The following XPR1 variants were observed in gnomAD, a reference collection of about 807,000 sequenced individuals.
XPR1 encodes solute carrier family 53 member 1.
In XPR1, 28 loss-of-function variants were observed where a neutral mutation model predicts 87.5. The observed-to-expected ratio is 0.32, with a 90% CI of 0.24 to 0.44. The LOEUF (loss-of-function observed/expected upper bound fraction) is 0.44, where lower values mean the gene tolerates loss of function less well. XPR1 is among the 20% of genes least tolerant of loss of function. XPR1 has a pLI of 1.00. For missense variants in XPR1, 559 were observed against 862.3 expected (o/e 0.65, Z 4.41); for synonymous variants, 300 against 306.1 (o/e 0.98, Z 0.21).
At position 180,662,843 on chromosome 1, in the gene XPR1, CTG is replaced by C. The variant is rs1655824744; in HGVS notation, c.70-19511_70-19510del. On this transcript the variant is annotated intron_variant, in intron 1 of 14. Coordinates refer to ENST00000367590, the MANE Select transcript of XPR1 (RefSeq NM_004736.4). ...TTCCTTTTTCTTTCATCTCTTCTGA[CTG>C]TGTGTTTACAAATAGCCTGTCTTTA... Among the ~76,000 whole-genome samples the C allele has an allele frequency of 2.6e-5, 4 of 152,104 alleles. No individual in the cohort carries two copies. In the South Asian group the frequency reaches 8.3e-4, roughly 32 times the overall value.
intron 1 of XPR1, among the ~76,000 whole-genome samples, chr1:180,668,123 CTTTTTTTTTTTT>C (rs758456790): frequency 3.2e-5 from 3 of 94,700 alleles, no homozygotes; most frequent in Non-Finnish European, 6.0e-5. Context: ...TTCCCTCTAT[CTTTTTTTTTTTT>C]TTTTTTTTTT....
intron 11 of XPR1, among the ~76,000 whole-genome samples, chr1:180,862,419 T>A (rs540776737): frequency 2.0e-5 from 3 of 152,192 alleles, no homozygotes; most frequent in East Asian, 3.9e-4. Flanking sequence ...ATTATCTGCC[T>A]TCTCAGTATC....
intron 1 of XPR1, 87 bp from the exon 2 acceptor site, chr1:180,682,273 T>C: frequency 9.7e-7 from 1 of 1,031,514 alleles, no homozygotes; most frequent in Non-Finnish European, 1.4e-6. Flanking sequence ...GGTCATTGAA[T>C]ATTGAAAAAG....
rs762000947 is a variant in XPR1 at position 180,806,094 on chromosome 1, G to T, written c.480G>T (p.Leu160=). The T allele has an allele frequency of 6.2e-7, 1 of 1,613,414 alleles. No individual in the cohort carries two copies. The highest frequency in any genetic ancestry group is 8.5e-7 in the Non-Finnish European group (1 of 1,179,612). ...ATTTTACAGGGTTTCGAAAAATCCT[G>T]AAAAAGCATGACAAGATCCTGGAAA... ...NLNFTGFRKI[L]KKHDKILETS... The change falls in exon 5 of 15, where the codon CTG becomes CTT. Residue 160 remains leucine (L), a synonymous_variant. Coordinates refer to ENST00000367590, the MANE Select transcript of XPR1 (RefSeq NM_004736.4).
rs1363269941 is a variant in XPR1, at chr1:180,725,360, C to G, written c.121+42949C>G. Among the ~76,000 whole-genome samples, 5 of 151,900 alleles carry G rather than the reference C, an allele frequency of 3.3e-5. No homozygotes were observed. In the East Asian group the frequency reaches 7.7e-4, roughly 23 times the overall value. ...GAAGGACACTGAGAGAGTATAGGGA[C>G]AGGGAGTAAAGGGTAAAAATTTGGG... On this transcript the variant is annotated intron_variant, in intron 2 of 14. Transcript: ENST00000367590.
intron 2 of XPR1, among the ~76,000 whole-genome samples, chr1:180,781,291 G>A (rs903134074): frequency 4.6e-5 from 7 of 151,720 alleles, no homozygotes; most frequent in East Asian, 1.9e-4. Flanking sequence ...TGGGTATGTC[G>A]TCTATACAGA....
In XPR1 at chr1:180,835,047, T is replaced by A; in HGVS notation, c.1306+2T>A. ...GCCTGTTGCCAAATAATTCAGAAGGTAGGGTATGAATTTGCATCTATACTA... is the reference window on the plus strand; with the variant it reads ...GCCTGTTGCCAAATAATTCAGAAGGAAGGGTATGAATTTGCATCTATACTA... On this transcript the variant is annotated splice_donor_variant, in intron 10 of 14. Coordinates refer to ENST00000367590, the MANE Select transcript of XPR1 (RefSeq NM_004736.4). LOFTEE classifies it high-confidence loss of function. 2 of 1,613,628 alleles carry A rather than the reference T, an allele frequency of 1.2e-6. No individual in the cohort carries two copies. The highest frequency in any genetic ancestry group is 1.7e-6 in the Non-Finnish European group (2 of 1,179,762).
intron 2 of XPR1, among the ~76,000 whole-genome samples, chr1:180,725,326 C>A (rs538234952): frequency 2.0e-5 from 3 of 152,182 alleles, no homozygotes; most frequent in African/African-American, 7.2e-5. Context: ...TCTGACTAAT[C>A]TTCCTGATGA....
In XPR1 at chr1:180,695,440, GTATGCGCGCGCACGCGCGCGC is replaced by G. The variant is rs148004484; in HGVS notation, c.121+13031_121+13051del. On this transcript the variant is annotated intron_variant, in intron 2 of 14. Transcript: ENST00000367590. ...TGTGTGTGTGTGTGTGTGTGTGTGT[GTATGCGCGCGCACGCGCGCGC>G]TTTTGTTGCCTGCGCTTTTGAAGTC... 6.0e-4 allele frequency among the ~76,000 whole-genome samples: 91 copies of G among 150,608 alleles called. 2 individuals carry two copies. In the East Asian group the frequency reaches 0.02, roughly 32 times the overall value.
intron 12 of XPR1, among the ~76,000 whole-genome samples, chr1:180,872,958 CTT>C (rs1168947681): frequency 9.3e-5 from 13 of 139,614 alleles, no homozygotes; most frequent in Non-Finnish European, 7.8e-5. Context: ...GGCCAGGGGA[CTT>C]TTTTTTTTTT....
chr1:180,873,163 G>A (rs1652557684), intron 12 of XPR1, among the ~76,000 whole-genome samples: 1 of 152,012 alleles, frequency 6.6e-6, no homozygotes. Flanking sequence ...CTGCTCTATT[G>A]GCAATTTGTG....
At chr1:180,754,664 G>T (rs1647660825) in intron 2 of XPR1, among the ~76,000 whole-genome samples, 1 of 151,978 alleles carries the variant, frequency 6.6e-6, no homozygotes, top group Non-Finnish European at 1.5e-5. Context: ...GTTTCGCCAT[G>T]CTGCCCAGGC....
At chr1:180,761,187 G>A (rs570471559) in intron 2 of XPR1, among the ~76,000 whole-genome samples, 33 of 152,032 alleles carry the variant, frequency 2.2e-4, no homozygotes, top group African/African-American at 6.5e-4. Context: ...AGGCAATACC[G>A]GTAATTCAGG....
intron 2 of XPR1, among the ~76,000 whole-genome samples, chr1:180,754,636 T>A (rs990655199): frequency 3.9e-5 from 6 of 151,908 alleles, no homozygotes; most frequent in African/African-American, 1.5e-4. Flanking sequence ...GCTTTTTGTA[T>A]TTTTTTGTAG....
chr1:180,768,898 G>C (rs549467913), intron 2 of XPR1, among the ~76,000 whole-genome samples: 1 of 152,094 alleles, frequency 6.6e-6, no homozygotes, highest in Non-Finnish European at 1.5e-5. Context: ...AGTAAAATGG[G>C]CATTTATTGA....
intron 1 of XPR1, among the ~76,000 whole-genome samples, chr1:180,673,488 CA>C (rs971528283): frequency 2.3e-4 from 35 of 152,282 alleles, no homozygotes; most frequent in African/African-American, 7.0e-4. Flanking sequence ...TCATCTAGAT[CA>C]GGGGTCCCCA....
chr1:180,875,557 A>G (rs1344941287), intron 13 of XPR1, among the ~76,000 whole-genome samples: 1 of 151,978 alleles, frequency 6.6e-6, no homozygotes, highest in Admixed American at 6.5e-5. Flanking sequence ...GTAATTGAAA[A>G]TGTGATAAAA....
intron 1 of XPR1, among the ~76,000 whole-genome samples, chr1:180,665,180 T>C (rs1306513618): frequency 6.6e-6 from 1 of 152,164 alleles, no homozygotes. Flanking sequence ...GGTGGCAGGA[T>C]GGAGTGAGTG....
intron 9 of XPR1, among the ~76,000 whole-genome samples, chr1:180,829,822 G>GT (rs1027353495): frequency 1.2e-4 from 18 of 147,388 alleles, no homozygotes; most frequent in Non-Finnish European, 1.5e-4. Context: ...CTTCTTCCCA[G>GT]TTTTTTTTTT....
Sources: gnomAD v4.1 joint callset for allele counts (sites outside exome capture counted in the v4.1 genomes callset) on GRCh38, gnomAD v4.1.1 for gene constraint, MANE v1.5 for transcripts, NCBI Gene and HGNC (gene_info 2026-07-23, HGNC 2026-07-21) for gene names.